COMMD1: variants seen among roughly 807,000 people sequenced by gnomAD.
COMMD1 encodes the protein COMM domain-containing protein 1.
In COMMD1, 10 loss-of-function variants were observed where a neutral mutation model predicts 17.2. The ratio of observed to expected loss-of-function variants is 0.58; its 90% CI spans 0.36 to 0.99. The LOEUF (loss-of-function observed/expected upper bound fraction) is 0.99, where lower values mean the gene tolerates loss of function less well. Among genes scored for constraint, COMMD1 ranks in the 50% least tolerant of loss-of-function variants. The probability of loss-of-function intolerance (pLI) is 0.01; values close to 1 mark genes in which losing one functional copy is unlikely to be tolerated. For synonymous variants in COMMD1, 97 were observed against 91.6 expected (o/e 1.06, Z -0.34); for missense variants, 270 against 231.8 (o/e 1.17, Z -1.07).
At chr2:62,135,504 A>C (rs115778273) in intron 2 of COMMD1, among the ~76,000 whole-genome samples, 3,835 of 152,172 alleles carry the variant, frequency 0.025, 84 homozygotes, top group Non-Finnish European at 0.035. Context: ...GGTGCCCGCA[A>C]CTGCGCCTGG....
At chr2:61,957,574 C>G (rs901686225) in intron 1 of COMMD1, among the ~76,000 whole-genome samples, 1 of 152,000 alleles carries the variant, frequency 6.6e-6, no homozygotes, top group Non-Finnish European at 1.5e-5. Context: ...AAGTCTTTGT[C>G]TCCTTTTTTT....
chr2:62,007,497 A>G (rs895109958), intron 2 of COMMD1, among the ~76,000 whole-genome samples: 1 of 152,220 alleles, frequency 6.6e-6, no homozygotes, highest in Non-Finnish European at 1.5e-5. Flanking sequence ...ATGACATTTC[A>G]GTCACTGATG....
At chr2:61,924,470 T>C (rs999580508) in intron 1 of COMMD1, among the ~76,000 whole-genome samples, 3 of 151,000 alleles carry the variant, frequency 2.0e-5, no homozygotes, top group Admixed American at 2.0e-4. Context: ...ATTAGGATGT[T>C]GTCGAGGAGG....
At chr2:61,921,431 A>G (rs1670194388) in intron 1 of COMMD1, among the ~76,000 whole-genome samples, 1 of 152,108 alleles carries the variant, frequency 6.6e-6, no homozygotes, top group Non-Finnish European at 1.5e-5. Context: ...AGACCAACCC[A>G]GTATTATTTT....
intron 2 of COMMD1, among the ~76,000 whole-genome samples, chr2:62,063,438 C>A (rs1306520235): frequency 6.6e-6 from 1 of 152,030 alleles, no homozygotes; most frequent in East Asian, 1.9e-4. Flanking sequence ...GATCCGCCCG[C>A]CTCAGCCTCC....
At chr2:62,072,310 T>G (rs539286191) in intron 2 of COMMD1, among the ~76,000 whole-genome samples, 12 of 152,192 alleles carry the variant, frequency 7.9e-5, no homozygotes, top group African/African-American at 2.9e-4. Flanking sequence ...CCTCGATGCC[T>G]TTTAACCAAT....
intron 2 of COMMD1, among the ~76,000 whole-genome samples, chr2:62,017,746 G>A (rs1195484248): frequency 1.3e-5 from 2 of 151,524 alleles, no homozygotes; most frequent in African/African-American, 2.4e-5. Context: ...CTTTAAAAAC[G>A]CTGACTTCAG....
chr2:61,938,932 A>G (rs914152449), intron 1 of COMMD1, among the ~76,000 whole-genome samples: 2 of 152,200 alleles, frequency 1.3e-5, no homozygotes, highest in African/African-American at 2.4e-5. Flanking sequence ...AAAAATTATA[A>G]TCTGGTACTC....
intron 2 of COMMD1, among the ~76,000 whole-genome samples, chr2:62,074,143 C>A (rs145567947): frequency 6.6e-6 from 1 of 152,200 alleles, no homozygotes; most frequent in Non-Finnish European, 1.5e-5. Context: ...AATCAGGGCA[C>A]ATCACCCTCC....
At chr2:62,008,778 G>A (rs1421215667) in intron 2 of COMMD1, among the ~76,000 whole-genome samples, 1 of 142,862 alleles carries the variant, frequency 7.0e-6, no homozygotes, top group Non-Finnish European at 1.5e-5. Flanking sequence ...TTATTTATTT[G>A]TTTGTTTATT....
At chr2:62,030,831 C>A (rs1462600551) in intron 2 of COMMD1, among the ~76,000 whole-genome samples, 1 of 151,916 alleles carries the variant, frequency 6.6e-6, no homozygotes, top group Non-Finnish European at 1.5e-5. Context: ...TAGAAAAAAA[C>A]AATATATTTT....
chr2:62,113,397 A>C (rs1215016938), intron 2 of COMMD1, among the ~76,000 whole-genome samples: 1 of 152,092 alleles, frequency 6.6e-6, no homozygotes, highest in African/African-American at 2.4e-5. Context: ...AATTTCTGAT[A>C]GAGCCATTAT....
At chr2:62,046,069 G>C (rs997157765) in intron 2 of COMMD1, among the ~76,000 whole-genome samples, 2 of 152,156 alleles carry the variant, frequency 1.3e-5, no homozygotes, top group East Asian at 1.9e-4. Context: ...CCCAATGTCA[G>C]CTTGGCCTAT....
In COMMD1 at chr2:61,891,283, G is replaced by C. The variant is rs997902039; in HGVS notation, n.119+2441G>C. Reference sequence around the variant, plus strand: ...CTTAAAGTTTTGAGACATGCTTTAAGTATCTGAAATGTTTCAAGTTACAAA... The same window carrying C: ...CTTAAAGTTTTGAGACATGCTTTAACTATCTGAAATGTTTCAAGTTACAAA... On this transcript the variant is annotated intron_variant and non_coding_transcript_variant, in intron 1 of 2. Transcript: ENST00000472729. Among the ~76,000 whole-genome samples, 6 of 152,196 alleles carry C rather than the reference G, an allele frequency of 3.9e-5. No homozygotes were observed. In the South Asian group the frequency reaches 1.2e-3, roughly 32 times the overall value.
intron 1 of COMMD1, among the ~76,000 whole-genome samples, chr2:61,954,994 C>T (rs1226642809): frequency 6.6e-6 from 1 of 152,032 alleles, no homozygotes; most frequent in Non-Finnish European, 1.5e-5. Flanking sequence ...ATAGTATAAT[C>T]AAAGAAATAG....
At chr2:62,045,929 G>A (rs899323787) in intron 2 of COMMD1, among the ~76,000 whole-genome samples, 2 of 151,386 alleles carry the variant, frequency 1.3e-5, no homozygotes, top group African/African-American at 2.4e-5. Flanking sequence ...TAGAGACGGG[G>A]TTTCACCATG....
chr2:61,951,561 T>C (rs983619592), intron 1 of COMMD1, among the ~76,000 whole-genome samples: 8 of 152,220 alleles, frequency 5.3e-5, no homozygotes, highest in Admixed American at 5.2e-4. Flanking sequence ...TGCCCTAATA[T>C]TGAAATCTTT....
intron 1 of COMMD1, among the ~76,000 whole-genome samples, chr2:61,919,985 C>T (rs1297526167): frequency 6.6e-6 from 1 of 152,018 alleles, no homozygotes; most frequent in African/African-American, 2.4e-5. Flanking sequence ...AAAAATCAGC[C>T]AGGCATACTA....
Position 62,071,592 on chromosome 2 carries a change from T to C in COMMD1, c.463-64239T>C, listed in dbSNP as rs779948985. Among the ~76,000 whole-genome samples the C allele has an allele frequency of 1.3e-5, 2 of 152,300 alleles. 1 individual carries two copies. Among genetic ancestry groups the C allele is most frequent in the South Asian group, 4.1e-4 (2 of 4,826 alleles). On this transcript the variant is annotated intron_variant, in intron 2 of 2. Coordinates refer to ENST00000311832, the MANE Select transcript of COMMD1 (RefSeq NM_152516.4). The stretch of plus-strand genomic sequence containing the variant: ...CATATGGAGGGGCCAGTTCTACTTA[T>C]GATTACAGTTTAAACTACTGTGTTC...
Sources: allele counts gnomAD v4.1 joint callset (sites outside exome capture counted in the v4.1 genomes callset), GRCh38; gene constraint gnomAD v4.1.1; transcripts MANE v1.5; gene names NCBI Gene and HGNC (gene_info 2026-07-23, HGNC 2026-07-21).